SGCD: variants seen among roughly 807,000 people sequenced by gnomAD.
The protein encoded by SGCD is sarcoglycan delta.
Under a neutral mutation model 36.6 loss-of-function variants are expected in SGCD, and 18 were observed. The observed-to-expected ratio is 0.49, with a 90% CI of 0.34 to 0.73. The LOEUF is 0.73. Among genes scored for constraint, SGCD ranks in the 30% least tolerant of loss-of-function variants. SGCD has a pLI of 0.01. For synonymous variants in SGCD, 133 were observed against 130.6 expected (o/e 1.02, Z -0.12); for missense variants, 387 against 346.7 (o/e 1.12, Z -0.92).
chr5:156,560,838 G>A (rs547700055), intron 4 of SGCD, among the ~76,000 whole-genome samples: 1 of 152,224 alleles, frequency 6.6e-6, no homozygotes, highest in South Asian at 2.1e-4. Flanking sequence ...AGGTAAGTCA[G>A]TTTATATATT....
At chr5:155,854,490 T>A in the SGCD span, among the ~76,000 whole-genome samples, 1 of 152,198 alleles carries the variant, frequency 6.6e-6, no homozygotes, top group Non-Finnish European at 1.5e-5. Flanking sequence ...TTAATTTCTA[T>A]GGAAAATTTG....
intron 3 of SGCD, among the ~76,000 whole-genome samples, chr5:156,274,907 A>G (rs73302669): frequency 0.058 from 8,777 of 152,128 alleles, 294 homozygotes; most frequent in Non-Finnish European, 0.075. Flanking sequence ...ATAGCATGAG[A>G]GCGGGTTTCA....
At chr5:156,171,357 T>C (rs1763343345) in intron 3 of SGCD, among the ~76,000 whole-genome samples, 2 of 152,328 alleles carry the variant, frequency 1.3e-5, no homozygotes, top group South Asian at 4.1e-4. Flanking sequence ...AAATTTCTTT[T>C]TCCAAAATGT....
chr5:156,406,801 TATATATATATATATATATACACAC>T (rs1275549802), intron 3 of SGCD, among the ~76,000 whole-genome samples: 2 of 73,676 alleles, frequency 2.7e-5, no homozygotes, highest in Non-Finnish European at 4.8e-5. Context: ...TATATATATA[TATATATATATATATATATACACAC>T]ACACACACAC....
chr5:156,438,375 T>C (rs768718601), intron 3 of SGCD, among the ~76,000 whole-genome samples: 11 of 152,132 alleles, frequency 7.2e-5, no homozygotes, highest in Non-Finnish European at 1.5e-4. Context: ...GTTTTCTGTG[T>C]GCTTTCAGGT....
intron 3 of SGCD, among the ~76,000 whole-genome samples, chr5:156,370,333 G>A (rs2127739203): frequency 6.6e-6 from 1 of 152,218 alleles, no homozygotes; most frequent in East Asian, 1.9e-4. Context: ...GAAGAGGGAG[G>A]AGAATTCCCT....
intron 7 of SGCD, among the ~76,000 whole-genome samples, chr5:156,680,587 TACAC>T (rs952375914): frequency 1.3e-5 from 2 of 152,198 alleles, no homozygotes; most frequent in African/African-American, 4.8e-5. Flanking sequence ...AAGCACATCT[TACAC>T]ACGTTTAGAT....
intron 1 of SGCD, among the ~76,000 whole-genome samples, chr5:155,957,987 G>A (rs879563667): frequency 1.8e-4 from 28 of 152,032 alleles, no homozygotes; most frequent in African/African-American, 5.3e-4. Context: ...CTGATTACTC[G>A]GTAAGGGAAG....
chr5:156,272,660 C>T (rs1766210822), intron 3 of SGCD, among the ~76,000 whole-genome samples: 1 of 152,194 alleles, frequency 6.6e-6, no homozygotes, highest in African/African-American at 2.4e-5. Context: ...TTCTTGCTGT[C>T]TGCTAAAAAC....
intron 3 of SGCD, among the ~76,000 whole-genome samples, chr5:156,289,178 C>T (rs1259499279): frequency 6.6e-6 from 1 of 152,070 alleles, no homozygotes; most frequent in East Asian, 1.9e-4. Context: ...CGTGGATATT[C>T]ATAGCACACA....
At position 156,122,843 on chromosome 5, in the gene SGCD, T is replaced by TAAA. The variant is rs33983852; in HGVS notation, c.-207-974_-207-972dup. Among the ~76,000 whole-genome samples the TAAA allele has an allele frequency of 9.9e-3, 535 of 54,122 alleles. 133 individuals carry two copies. The highest frequency in any genetic ancestry group is 0.012 in the Non-Finnish European group (366 of 31,222). 35.5% of individuals were successfully genotyped at this position (54,122 alleles called of 152,430 possible). On this transcript the variant is annotated intron_variant, in intron 2 of 9. Coordinates refer to the SGCD transcript ENST00000517913. ...ACCAGCATGGTAGTAAAAGATGTGGTAAAAAAAAAAAAAAAAAAAAAAAAA... is the reference window on the plus strand; with the variant it reads ...ACCAGCATGGTAGTAAAAGATGTGGTAAAAAAAAAAAAAAAAAAAAAAAAAAAA...
intron 7 of SGCD, among the ~76,000 whole-genome samples, chr5:156,669,495 T>C (rs1192887396): frequency 1.3e-5 from 2 of 152,208 alleles, no homozygotes; most frequent in Non-Finnish European, 2.9e-5. Flanking sequence ...AATTTAATTT[T>C]TCCCCACAAT....
chr5:156,498,368 G>C (rs1756295694), intron 3 of SGCD, among the ~76,000 whole-genome samples: 1 of 151,686 alleles, frequency 6.6e-6, no homozygotes. Flanking sequence ...CTTTTATGCA[G>C]CTACCACCAC....
At chr5:155,843,818 G>A in the SGCD span, among the ~76,000 whole-genome samples, 1 of 152,186 alleles carries the variant, frequency 6.6e-6, no homozygotes, top group Non-Finnish European at 1.5e-5. Context: ...CCCAGTGGCT[G>A]CCTAGTTCTT....
chr5:155,991,116 G>A (rs79375969), intron 1 of SGCD, among the ~76,000 whole-genome samples: 2,829 of 152,270 alleles, frequency 0.019, 35 homozygotes, highest in Non-Finnish European at 0.029. Flanking sequence ...TCTCAAGTCA[G>A]TGAGATTATT....
chr5:156,566,702 T>A (rs1018726478), intron 4 of SGCD, among the ~76,000 whole-genome samples: 2 of 152,132 alleles, frequency 1.3e-5, no homozygotes, highest in African/African-American at 2.4e-5. Flanking sequence ...CATGAATACA[T>A]GACAGATATA....
intron 3 of SGCD, among the ~76,000 whole-genome samples, chr5:156,272,590 G>A (rs896698508): frequency 1.3e-5 from 2 of 152,190 alleles, no homozygotes; most frequent in African/African-American, 4.8e-5. Flanking sequence ...AAGGGCCATA[G>A]GAAAAGCATA....
chr5:156,101,739 A>G (rs1761520903), intron 1 of SGCD, among the ~76,000 whole-genome samples: 1 of 152,170 alleles, frequency 6.6e-6, no homozygotes, highest in African/African-American at 2.4e-5. Context: ...CTCAAACTGC[A>G]TGGAAGTTCT....
At chr5:155,874,570 A>G (rs1303882608) in intron 1 of SGCD, among the ~76,000 whole-genome samples, 1 of 152,148 alleles carries the variant, frequency 6.6e-6, no homozygotes, top group African/African-American at 2.4e-5. Context: ...TGTAACTCAA[A>G]AAGAGAAGCA....
Sources: allele counts gnomAD v4.1 joint callset (sites outside exome capture counted in the v4.1 genomes callset), GRCh38; gene constraint gnomAD v4.1.1; transcripts MANE v1.5; gene names NCBI Gene and HGNC (gene_info 2026-07-23, HGNC 2026-07-21).